The following MAGI1 variants were observed in gnomAD, a reference collection of about 807,000 sequenced individuals.
MAGI1 encodes the protein membrane-associated guanylate kinase, WW and PDZ domain-containing protein 1.
A neutral mutation model predicts 139.9 loss-of-function variants in MAGI1; 58 were observed. That is an observed-to-expected ratio of 0.41 (90% CI 0.34 to 0.52). The LOEUF is 0.52. MAGI1 is among the 20% of genes least tolerant of loss of function. The pLI, the probability that MAGI1 is intolerant of heterozygous loss-of-function variation, is 0.12. For missense variants in MAGI1, 1,874 were observed against 1,901.6 expected (o/e 0.99, Z 0.27); for synonymous variants, 812 against 737.9 (o/e 1.10, Z -1.63).
At chr3:65,497,426 C>T (rs1281618408) in intron 2 of MAGI1, among the ~76,000 whole-genome samples, 1 of 152,080 alleles carries the variant, frequency 6.6e-6, no homozygotes, top group Non-Finnish European at 1.5e-5. Context: ...CTCTAAAACA[C>T]AAACAGTCTA....
chr3:65,470,242 A>G (rs754192491), intron 5 of MAGI1, 41 bp downstream of exon 5: 2 of 1,422,528 alleles, frequency 1.4e-6, no homozygotes, highest in African/African-American at 1.4e-5. Context: ...AAGGGAAAAG[A>G]AAGAGAGAGA....
chr3:65,632,775 T>A (rs201177685), intron 1 of MAGI1, among the ~76,000 whole-genome samples: 2 of 152,222 alleles, frequency 1.3e-5, no homozygotes, highest in Non-Finnish European at 2.9e-5. Context: ...GGCAGATTTG[T>A]CCCTTGGGCC....
intron 1 of MAGI1, among the ~76,000 whole-genome samples, chr3:65,990,561 T>C (rs1395832898): frequency 2.6e-5 from 4 of 152,200 alleles, no homozygotes; most frequent in Non-Finnish European, 5.9e-5. Flanking sequence ...ATGATGTTCC[T>C]TTGAGCCGGT....
In MAGI1 at chr3:66,018,107, C is replaced by T. The variant is rs535961393; in HGVS notation, c.313+19889G>A. Among the ~76,000 whole-genome samples, 369 of 56,204 alleles carry T rather than the reference C, an allele frequency of 6.6e-3. 9 individuals carry two copies. Among genetic ancestry groups the T allele is most frequent in the Admixed American group, 6.2e-3 (22 of 3,574 alleles). 36.9% of individuals were successfully genotyped at this position (56,204 alleles called of 152,430 possible). On this transcript the variant is annotated intron_variant, in intron 1 of 22. Coordinates refer to ENST00000402939, the MANE Select transcript of MAGI1 (RefSeq NM_001033057.2). Reference sequence around the variant, plus strand: ...CAGGAGACAAAGATAAGGAAGGACACTTTGGTGGGGGGGGGGGGTGTCTGC... The same window carrying T: ...CAGGAGACAAAGATAAGGAAGGACATTTTGGTGGGGGGGGGGGGTGTCTGC...
chr3:65,673,922 C>T (rs1465208139), intron 1 of MAGI1, among the ~76,000 whole-genome samples: 1 of 152,132 alleles, frequency 6.6e-6, no homozygotes. Context: ...TGGAGGAATG[C>T]CTTCTATTAG....
rs546716883 is a variant in MAGI1, at chr3:65,936,505, G to T, written c.313+101491C>A. On this transcript the variant is annotated intron_variant, in intron 1 of 22. Coordinates refer to ENST00000402939, the MANE Select transcript of MAGI1 (RefSeq NM_001033057.2). The stretch of plus-strand genomic sequence containing the variant: ...ATACAAAAATTAGCTGGGTGTGGCT[G>T]GTACACGCCTGTAATCCCAGCTACT... 1.1e-4 allele frequency among the ~76,000 whole-genome samples: 16 copies of T among 151,766 alleles called. 1 individual carries two copies. In the South Asian group the frequency reaches 3.1e-3, roughly 30 times the overall value.
At chr3:65,565,268 A>G (rs542416665) in intron 2 of MAGI1, among the ~76,000 whole-genome samples, 1 of 152,298 alleles carries the variant, frequency 6.6e-6, no homozygotes, top group East Asian at 1.9e-4. Context: ...TAACTCCAAT[A>G]GAAAATAATT....
intron 1 of MAGI1, among the ~76,000 whole-genome samples, chr3:65,794,690 C>T (rs932516670): frequency 6.6e-6 from 1 of 152,046 alleles, no homozygotes; most frequent in Non-Finnish European, 1.5e-5. Flanking sequence ...ATCCCTCCAC[C>T]CTGCTGTCCT....
At chr3:65,657,798 A>T (rs6794189) in intron 1 of MAGI1, among the ~76,000 whole-genome samples, 1 of 152,048 alleles carries the variant, frequency 6.6e-6, no homozygotes, top group Non-Finnish European at 1.5e-5. Context: ...GATGACCCCC[A>T]GTGAAGTGAT....
intron 1 of MAGI1, among the ~76,000 whole-genome samples, chr3:65,728,599 AG>A (rs2033859200): frequency 6.6e-6 from 1 of 152,198 alleles, no homozygotes; most frequent in Non-Finnish European, 1.5e-5. Context: ...AAGTCAAACT[AG>A]ATAGTCATTC....
In MAGI1 at chr3:65,493,539, T is replaced by A. The variant is rs1423733493; in HGVS notation, c.523A>T (p.Thr175Ser). 6.2e-7 allele frequency: 1 copy of A among 1,613,896 alleles called. No homozygotes were observed. Among genetic ancestry groups the A allele is most frequent in the South Asian group, 1.1e-5 (1 of 91,072 alleles). The change falls in exon 3 of 23, where the codon ACT (threonine) becomes TCT (serine). Residue 175 changes from threonine (T) to serine (S), a missense_variant. Physicochemically the swap from Thr to Ser is moderately conservative, Grantham distance 58. Coordinates refer to ENST00000402939, the MANE Select transcript of MAGI1 (RefSeq NM_001033057.2). ...KEFLDLEQSG[T>S]LLEVGTYEGN... ...TCATAGGTGCCGACTTCCAGAAGAGTCCCACTCTGCTCGAGGTCCAAGAAC... is the reference window on the plus strand; with the variant it reads ...TCATAGGTGCCGACTTCCAGAAGAGACCCACTCTGCTCGAGGTCCAAGAAC...
chr3:65,687,883 A>C, intron 1 of MAGI1: 1 of 635,786 alleles, frequency 1.6e-6, no homozygotes, highest in Non-Finnish European at 3.1e-6. Context: ...CTCCGTTTGG[A>C]TATCAAGGTA....
intron 1 of MAGI1, among the ~76,000 whole-genome samples, chr3:65,821,550 C>T (rs1229760030): frequency 6.6e-6 from 1 of 152,154 alleles, no homozygotes; most frequent in Non-Finnish European, 1.5e-5. Context: ...CCAAGTGAAC[C>T]ACTAAAGACT....
intron 2 of MAGI1, chr3:65,549,471 G>A: frequency 2.0e-6 from 2 of 985,126 alleles, no homozygotes; most frequent in Non-Finnish European, 2.4e-6. Flanking sequence ...GCGCGCGCTC[G>A]GTGGCCGCCC....
chr3:65,633,783 T>C (rs1028689215), intron 1 of MAGI1, among the ~76,000 whole-genome samples: 1 of 152,082 alleles, frequency 6.6e-6, no homozygotes, highest in African/African-American at 2.4e-5. Flanking sequence ...AGAAAGACAA[T>C]GTTCCCCTAT....
intron 1 of MAGI1, among the ~76,000 whole-genome samples, chr3:66,017,521 C>A (rs547251434): frequency 1.3e-5 from 2 of 152,216 alleles, no homozygotes; most frequent in African/African-American, 2.4e-5. Flanking sequence ...AGCCTCCTGA[C>A]GAACACCAAG....
chr3:65,623,649 A>G (rs2083809005), intron 1 of MAGI1, among the ~76,000 whole-genome samples: 1 of 152,150 alleles, frequency 6.6e-6, no homozygotes, highest in African/African-American at 2.4e-5. Flanking sequence ...TAACTTCCCT[A>G]TGGTCAAAAA....
At chr3:65,639,963 T>C (rs2084893608) in intron 1 of MAGI1, among the ~76,000 whole-genome samples, 1 of 147,626 alleles carries the variant, frequency 6.8e-6, no homozygotes. Flanking sequence ...GATCGTAGCC[T>C]GGGCAACAAG....
chr3:65,556,378 C>T (rs1025327922), intron 2 of MAGI1, among the ~76,000 whole-genome samples: 2 of 152,156 alleles, frequency 1.3e-5, no homozygotes, highest in African/African-American at 2.4e-5. Context: ...CCTGCTGGTC[C>T]CCATGCCCTG....
Sources: gnomAD v4.1 joint callset for allele counts (sites outside exome capture counted in the v4.1 genomes callset) on GRCh38, gnomAD v4.1.1 for gene constraint, MANE v1.5 for transcripts, NCBI Gene and HGNC (gene_info 2026-07-23, HGNC 2026-07-21) for gene names.